Variants in PADI3 observed in about 807,000 individuals in gnomAD.
The protein encoded by PADI3 is peptidyl arginine deiminase 3.
PADI3 carries 53 observed loss-of-function variants against 71.5 expected under a neutral mutation model. The ratio of observed to expected loss-of-function variants is 0.74; its 90% CI spans 0.59 to 0.93. The LOEUF (loss-of-function observed/expected upper bound fraction) is 0.93, where lower values mean the gene tolerates loss of function less well. PADI3 is among the 40% of genes least tolerant of loss of function. The pLI is 0.00. For missense variants in PADI3, 821 were observed against 868.0 expected (o/e 0.95, Z 0.68); for synonymous variants, 361 against 347.5 (o/e 1.04, Z -0.43).
At chr1:17,276,691 T>C in intron 12 of PADI3, 28 bp downstream of exon 12, 1 of 1,613,954 alleles carries the variant, frequency 6.2e-7, no homozygotes, top group East Asian at 2.2e-5. Context: ...GACGTGTCTT[T>C]CCCTGGCATC....
At position 17,262,159 on chromosome 1, in the gene PADI3, T is replaced by C. The variant is rs2073110200; in HGVS notation, c.300T>C (p.His100=). ...TTCAGATTTCCTACCACTCCAGCCA[T>C]GAGCCTCTGCCCCTGGCCTATGCGG... is the stretch of plus-strand genomic sequence containing the variant. ...SHVQISYHSS[H]EPLPLAYAVL... Residue 100 remains histidine, a synonymous_variant, in exon 3 of 16, where the codon CAT becomes CAC. Coordinates refer to ENST00000375460, the MANE Select transcript of PADI3 (RefSeq NM_016233.2). 1 of 1,613,552 alleles carries C rather than the reference T, an allele frequency of 6.2e-7. No individual in the cohort carries two copies. The highest frequency in any genetic ancestry group is 1.7e-5 in the Admixed American group (1 of 59,852).
chr1:17,272,061 A>T (rs1272126195), intron 9 of PADI3, among the ~76,000 whole-genome samples: 1 of 152,150 alleles, frequency 6.6e-6, no homozygotes, highest in Non-Finnish European at 1.5e-5. Context: ...CAGGCCAGGC[A>T]TAGCATCATT....
chr1:17,250,280 C>G (rs549378474), intron 1 of PADI3, among the ~76,000 whole-genome samples: 1 of 152,314 alleles, frequency 6.6e-6, no homozygotes, highest in East Asian at 1.9e-4. Context: ...GTCACGATAC[C>G]TCTTTGTCAT....
chr1:17,249,308 G>A (rs2100549451), intron 1 of PADI3, 79 bp downstream of exon 1: 1 of 1,186,418 alleles, frequency 8.4e-7, no homozygotes, highest in Non-Finnish European at 1.3e-6. Flanking sequence ...GCTGGGCAGG[G>A]CTTCTTCAGG....
In PADI3 at chr1:17,283,120, T is replaced by C; in HGVS notation, c.*41T>C. On this transcript the variant is annotated 3_prime_UTR_variant, in exon 16 of 16. Transcript: ENST00000375460. ...CCATCCTGTCCCCCTGGGGCGGGCA[T>C]TGGCCCAGGTGGTGGAGACAGAGAC... 1 of 1,504,754 alleles carries C rather than the reference T, an allele frequency of 6.6e-7. No individual in the cohort carries two copies. Among genetic ancestry groups the C allele is most frequent in the Non-Finnish European group, 9.2e-7 (1 of 1,084,420 alleles). The allele number at this position is 1,504,754 out of a possible 1,614,324, so 93.2% of individuals were successfully genotyped here.
chr1:17,274,609 C>A, intron 10 of PADI3, 26 bp from the exon 11 acceptor site: 6 of 1,597,384 alleles, frequency 3.8e-6, no homozygotes, highest in Non-Finnish European at 5.1e-6. Context: ...CCCTCCACCC[C>A]CGCCTGACTT....
At chr1:17,265,948 G>C (rs988932585) in intron 4 of PADI3, among the ~76,000 whole-genome samples, 1 of 152,228 alleles carries the variant, frequency 6.6e-6, no homozygotes, top group Non-Finnish European at 1.5e-5. Context: ...GCTAGGCCTT[G>C]GTTTGTGGGA....
intron 1 of PADI3, among the ~76,000 whole-genome samples, chr1:17,256,650 A>G (rs2073031707): frequency 6.6e-6 from 1 of 152,172 alleles, no homozygotes; most frequent in Admixed American, 6.5e-5. Context: ...TGGGGTTTTC[A>G]TACCAGAAGG....
chr1:17,254,356 C>T (rs1322383795), intron 1 of PADI3, among the ~76,000 whole-genome samples: 1 of 152,132 alleles, frequency 6.6e-6, no homozygotes, highest in African/African-American at 2.4e-5. Context: ...CCATGGGGAA[C>T]TTTCCCATCA....
Position 17,266,853 on chromosome 1 carries a change from C to G in PADI3, c.526+17C>G, listed in dbSNP as rs1168200352. 6.3e-7 allele frequency: 1 copy of G among 1,585,500 alleles called. No individual in the cohort carries two copies. Among genetic ancestry groups the G allele is most frequent in the African/African-American group, 1.3e-5 (1 of 74,386 alleles). On this transcript the variant is annotated intron_variant, in intron 5 of 15. Transcript: ENST00000375460. ...GCCTGCAAGGTGAGGCCGGGGCAGC[C>G]TGAGTCCCTGGGTGTCCAGGGTCAC... is the stretch of plus-strand genomic sequence containing the variant.
At chr1:17,250,877 G>A (rs2072958135) in intron 1 of PADI3, among the ~76,000 whole-genome samples, 1 of 152,198 alleles carries the variant, frequency 6.6e-6, no homozygotes, top group African/African-American at 2.4e-5. Context: ...AGAGGATAGA[G>A]GATGGATTGG....
chr1:17,254,381 A>G (rs930007012), intron 1 of PADI3, among the ~76,000 whole-genome samples: 3 of 152,040 alleles, frequency 2.0e-5, no homozygotes, highest in African/African-American at 7.2e-5. Context: ...CTCAGCTCCT[A>G]AAATGTCTGA....
At chr1:17,265,626 T>G (rs72646775) in intron 3 of PADI3, 33 bp from the exon 4 acceptor site, 2 of 1,606,842 alleles carry the variant, frequency 1.2e-6, no homozygotes, top group Admixed American at 3.3e-5. Flanking sequence ...CCTGGGAACC[T>G]TGTAGTGACT....
chr1:17,275,328 T>C (rs896732817), intron 11 of PADI3, among the ~76,000 whole-genome samples: 6 of 147,224 alleles, frequency 4.1e-5, no homozygotes, highest in Non-Finnish European at 8.9e-5. Context: ...TCCCAGCTAC[T>C]CAGGAGGCTG....
At chr1:17,281,450 C>CTT (rs71014927) in intron 15 of PADI3, among the ~76,000 whole-genome samples, 13,235 of 141,872 alleles carry the variant, frequency 0.093, 708 homozygotes, top group Middle Eastern at 0.15. Flanking sequence ...TTCTTTTTTT[C>CTT]TTTTTTTTTT....
At chr1:17,270,106 G>A in intron 6 of PADI3, 127 bp from the exon 7 acceptor site, 1 of 1,083,806 alleles carries the variant, frequency 9.2e-7, no homozygotes, top group Non-Finnish European at 1.3e-6. Flanking sequence ...GCCAGTGGAG[G>A]TGAAAGGAGG....
intron 1 of PADI3, among the ~76,000 whole-genome samples, chr1:17,255,318 G>T (rs192662593): frequency 5.3e-5 from 8 of 152,332 alleles, no homozygotes; most frequent in Admixed American, 3.9e-4. Flanking sequence ...TCTTAGGCTG[G>T]CTGTGCCAGA....
chr1:17,282,052 T>C (rs2073408287), intron 15 of PADI3, among the ~76,000 whole-genome samples: 1 of 152,168 alleles, frequency 6.6e-6, no homozygotes, highest in Admixed American at 6.5e-5. Flanking sequence ...GCTTTTTCCT[T>C]CCTCTTTTCA....
intron 1 of PADI3, 55 bp downstream of exon 1, chr1:17,249,284 C>A: frequency 7.0e-7 from 1 of 1,422,340 alleles, no homozygotes; most frequent in Non-Finnish European, 9.9e-7. Context: ...GCCCTTGGAC[C>A]TTCCTCCCTG....
Sources: gnomAD v4.1 joint callset for allele counts (sites outside exome capture counted in the v4.1 genomes callset) on GRCh38, gnomAD v4.1.1 for gene constraint, MANE v1.5 for transcripts, NCBI Gene and HGNC (gene_info 2026-07-23, HGNC 2026-07-21) for gene names.